CLEC2L: variants seen among roughly 807,000 people sequenced by gnomAD.
The protein encoded by CLEC2L is C-type lectin domain family 2 member L.
A neutral mutation model predicts 23.6 loss-of-function variants in CLEC2L; 14 were observed. That is an observed-to-expected ratio of 0.59 (90% CI 0.39 to 0.93). CLEC2L has a LOEUF of 0.93. CLEC2L is among the 40% of genes least tolerant of loss of function. The pLI, the probability that CLEC2L is intolerant of heterozygous loss-of-function variation, is 0.00. For synonymous variants in CLEC2L, 114 were observed against 121.3 expected (o/e 0.94, Z 0.40); for missense variants, 264 against 282.4 (o/e 0.93, Z 0.47).
Position 139,540,613 on chromosome 7 carries a change from C to T in CLEC2L, c.432+126C>T. 1 of 1,103,706 alleles carries T rather than the reference C, an allele frequency of 9.1e-7. No individual in the cohort carries two copies. Among genetic ancestry groups the T allele is most frequent in the Non-Finnish European group, 1.3e-6 (1 of 755,844 alleles). 68.4% of individuals were successfully genotyped at this position (1,103,706 alleles called of 1,614,324 possible). On this transcript the variant is annotated intron_variant, in intron 3 of 4. Transcript: ENST00000422142. The surrounding 1 kb of genome is among the most constrained non-coding windows in gnomAD (Gnocchi z 5.8). ...GTGACACGTCTCCAAAGCCGCCCAC[C>T]TGCTGCATAACCACTTGGGGTGCAG...
chr7:139,526,882 C>G (rs1237299995), intron 1 of CLEC2L, among the ~76,000 whole-genome samples: 1 of 152,222 alleles, frequency 6.6e-6, no homozygotes, highest in Non-Finnish European at 1.5e-5. Flanking sequence ...GCTTCCCACC[C>G]CAAACCTGAG....
intron 1 of CLEC2L, among the ~76,000 whole-genome samples, chr7:139,533,134 A>G (rs1180828950): frequency 1.3e-5 from 2 of 152,194 alleles, no homozygotes; most frequent in Non-Finnish European, 2.9e-5. Flanking sequence ...AATACAAACT[A>G]TGATATTGAG....
intron 4 of CLEC2L, among the ~76,000 whole-genome samples, chr7:139,542,721 G>A (rs1002147897): frequency 2.0e-5 from 3 of 152,186 alleles, no homozygotes; most frequent in Admixed American, 6.5e-5. Context: ...GTGCCGTGGC[G>A]GTTTTGTAAG....
At chr7:139,527,734 A>G (rs1050600919) in intron 1 of CLEC2L, among the ~76,000 whole-genome samples, 4 of 152,180 alleles carry the variant, frequency 2.6e-5, no homozygotes, top group Non-Finnish European at 5.9e-5. Context: ...GCCTCAGCCT[A>G]TAGATTTTTT....
At chr7:139,534,006 T>TA (rs917085702) in intron 1 of CLEC2L, among the ~76,000 whole-genome samples, 14 of 151,526 alleles carry the variant, frequency 9.2e-5, no homozygotes, top group African/African-American at 2.2e-4. Flanking sequence ...GTTAAGATGG[T>TA]AAAAAAAAAT....
intron 4 of CLEC2L, among the ~76,000 whole-genome samples, chr7:139,544,027 G>A (rs779381483): frequency 6.6e-6 from 1 of 152,158 alleles, no homozygotes; most frequent in Non-Finnish European, 1.5e-5. Flanking sequence ...AGCGTGCCAG[G>A]GTGGCTGGAG....
chr7:139,523,987 C>A lies in CLEC2L; in HGVS notation c.60C>A (p.Arg20=). 1 of 995,134 alleles carries A rather than the reference C, an allele frequency of 1.0e-6. No individual in the cohort carries two copies. Among genetic ancestry groups the A allele is most frequent in the South Asian group, 4.5e-5 (1 of 22,008 alleles). The allele number at this position is 995,134 out of a possible 1,614,324, so 61.6% of individuals were successfully genotyped here. The change falls in exon 1 of 5, where the codon CGC becomes CGA. Residue 20 remains arginine, a synonymous_variant. Coordinates refer to ENST00000422142, the MANE Select transcript of CLEC2L (RefSeq NM_001080511.4). The surrounding 1 kb of genome is among the most constrained non-coding windows in gnomAD (Gnocchi z 4.1). ...GGCCGCCGCCGCCCCTCGCCGCGCG[C>A]CCCGCGCCCGCCCCCGCCGCCCCCA... ...RARPPPPLAA[R]PAPAPAAPRP... is the part of the protein sequence containing the mutation.
chr7:139,542,132 G>A lies in CLEC2L; in HGVS notation c.533+11G>A. The stretch of plus-strand genomic sequence containing the variant: ...GTTTGATCCGGACACGTGAGCTGAG[G>A]CTTCATCTTCTGGCTACCGAGCTTA... On this transcript the variant is annotated intron_variant, in intron 4 of 4. Coordinates refer to ENST00000422142, the MANE Select transcript of CLEC2L (RefSeq NM_001080511.4). 1.3e-6 allele frequency: 2 copies of A among 1,589,782 alleles called. No individual in the cohort carries two copies. The highest frequency in any genetic ancestry group is 1.7e-6 in the Non-Finnish European group (2 of 1,164,098).
Position 139,540,289 on chromosome 7 carries a change from CGGG to C in CLEC2L, c.266-31_266-29del. On this transcript the variant is annotated intron_variant, in intron 2 of 4. Coordinates refer to ENST00000422142, the MANE Select transcript of CLEC2L (RefSeq NM_001080511.4). The surrounding 1 kb of genome is among the most constrained non-coding windows in gnomAD (Gnocchi z 5.8). ...CAGAGTGGGACTCGGGCTGGGGGGG[CGGG>C]CAGGGCCGAGCTGGTCTCTTCCCTG... 9.3e-7 allele frequency: 1 copy of C among 1,071,264 alleles called. No individual in the cohort carries two copies. The highest frequency in any genetic ancestry group is 1.3e-6 in the Non-Finnish European group (1 of 778,660). The allele number at this position is 1,071,264 out of a possible 1,614,324, so 66.4% of individuals were successfully genotyped here. A position where few individuals can be genotyped will look rare whatever the true frequency, so the allele number is the denominator to read the frequency against.
chr7:139,539,912 A>G lies in CLEC2L; in HGVS notation c.266-409A>G, dbSNP rs914950770. 3 of 190,582 alleles carry G rather than the reference A, an allele frequency of 1.6e-5. No homozygotes were observed. Among genetic ancestry groups the G allele is most frequent in the East Asian group, 2.8e-4 (2 of 7,046 alleles). The allele number at this position is 190,582 out of a possible 1,614,324, so 11.8% of individuals were successfully genotyped here. A position where few individuals can be genotyped will look rare whatever the true frequency, so the allele number is the denominator to read the frequency against. Reference sequence around the variant, plus strand: ...AACTTCCCAGCAGTTCAGTGGTGGAATGGCAGCCTTGGTAGCTAACATGGG... The same window carrying G: ...AACTTCCCAGCAGTTCAGTGGTGGAGTGGCAGCCTTGGTAGCTAACATGGG... On this transcript the variant is annotated intron_variant, in intron 2 of 4. Transcript: ENST00000422142. This position sits in a 1 kb window ranked among gnomAD's most constrained non-coding sequence, Gnocchi z 4.1.
intron 3 of CLEC2L, 104 bp from the exon 4 acceptor site, chr7:139,541,917 A>G (rs564399619): frequency 1.0e-5 from 8 of 763,156 alleles, no homozygotes; most frequent in Non-Finnish European, 1.8e-5. Flanking sequence ...TGGCGTCTGT[A>G]CATCCCGAGA....
At chr7:139,526,599 A>G (rs1474512985) in intron 1 of CLEC2L, among the ~76,000 whole-genome samples, 1 of 152,154 alleles carries the variant, frequency 6.6e-6, no homozygotes, top group East Asian at 1.9e-4. Context: ...CAGTGTGGGG[A>G]GGTGCAGGAA....
At chr7:139,534,225 CA>C in intron 1 of CLEC2L, 1 of 910,624 alleles carries the variant, frequency 1.1e-6, no homozygotes, top group Non-Finnish European at 1.8e-6. Context: ...GCGGCTGTAG[CA>C]AAGAGTTTGG....
chr7:139,524,916 C>T (rs1393573195), intron 1 of CLEC2L, among the ~76,000 whole-genome samples: 2 of 152,126 alleles, frequency 1.3e-5, no homozygotes, highest in Non-Finnish European at 2.9e-5. Context: ...ATCACCCATC[C>T]TTAGGGAGGC....
chr7:139,541,272 G>C (rs1797731563), intron 3 of CLEC2L, among the ~76,000 whole-genome samples: 1 of 151,928 alleles, frequency 6.6e-6, no homozygotes. Context: ...GCCTCCCAAA[G>C]TGCTGGTATT....
rs573516854 is a variant in CLEC2L, at chr7:139,544,443, C to G, written c.*101C>G. The G allele has an allele frequency of 3.6e-6, 3 of 841,222 alleles. No homozygotes were observed. The highest frequency in any genetic ancestry group is 5.3e-5 in the East Asian group (2 of 37,548). The allele number at this position is 841,222 out of a possible 1,614,324, so 52.1% of individuals were successfully genotyped here. ...GCGGAGCCGCCTGCCCTCTGCAAGG[C>G]GAAGCGGTGGGTGCGTGGCCTCCGC... On this transcript the variant is annotated 3_prime_UTR_variant, in exon 5 of 5. Transcript: ENST00000422142.
intron 1 of CLEC2L, among the ~76,000 whole-genome samples, chr7:139,529,849 C>G (rs1417874588): frequency 6.6e-6 from 1 of 152,054 alleles, no homozygotes; most frequent in East Asian, 1.9e-4. Flanking sequence ...GGTGGATCAC[C>G]TGAGGTCAGG....
At chr7:139,543,741 C>T (rs1412334609) in intron 4 of CLEC2L, among the ~76,000 whole-genome samples, 1 of 152,218 alleles carries the variant, frequency 6.6e-6, no homozygotes, top group Non-Finnish European at 1.5e-5. Context: ...AGAGCTCCTC[C>T]TGTGTGCTCA....
At chr7:139,538,033 G>T (rs889662772) in intron 2 of CLEC2L, among the ~76,000 whole-genome samples, 2 of 152,222 alleles carry the variant, frequency 1.3e-5, no homozygotes, top group Non-Finnish European at 2.9e-5. Context: ...TAAGACCAGA[G>T]GTGGAATCCA....
Sources: gnomAD v4.1 joint callset for allele counts (sites outside exome capture counted in the v4.1 genomes callset) on GRCh38, gnomAD v4.1.1 for gene constraint, Gnocchi (gnomAD v3.1) non-coding constraint, MANE v1.5 for transcripts, NCBI Gene and HGNC (gene_info 2026-07-23, HGNC 2026-07-21) for gene names.